Variants in MAP3K4 observed in about 807,000 individuals in gnomAD.
MAP3K4 encodes the protein MAP three kinase 1.
In MAP3K4, 67 loss-of-function variants were observed where a neutral mutation model predicts 185.6. The observed-to-expected ratio is 0.36, with a 90% CI of 0.30 to 0.44. The LOEUF is 0.44. Ranked by LOEUF, MAP3K4 falls within the 20% of genes least tolerant of loss-of-function variation. MAP3K4 has a pLI of 1.00. For synonymous variants in MAP3K4, 702 were observed against 710.4 expected (o/e 0.99, Z 0.19); for missense variants, 1,551 against 1,995.1 (o/e 0.78, Z 4.24).
At chr6:160,999,842 A>G (rs994213950) in intron 1 of MAP3K4, among the ~76,000 whole-genome samples, 2 of 152,250 alleles carry the variant, frequency 1.3e-5, no homozygotes, top group African/African-American at 4.8e-5. Context: ...ATCAAACGAG[A>G]TGAAAGATTT....
Position 161,076,100 on chromosome 6 carries a change from G to A in MAP3K4, c.2097+2488G>A, listed in dbSNP as rs1371501757. 1.3e-5 allele frequency among the ~76,000 whole-genome samples: 2 copies of A among 152,054 alleles called. No homozygotes were observed. The highest frequency in any genetic ancestry group is 2.4e-5 in the African/African-American group (1 of 41,398). ...TCCCATACCCTTCCAAAAATAAAAA[G>A]ACTTAGAATTATTCGCCTTGAAATG... On this transcript the variant is annotated intron_variant, in intron 5 of 26. Transcript: ENST00000392142. This position sits in a 1 kb window ranked among gnomAD's most constrained non-coding sequence, Gnocchi z 4.2.
At chr6:161,018,451 A>G (rs1192776233) in intron 1 of MAP3K4, among the ~76,000 whole-genome samples, 3 of 152,236 alleles carry the variant, frequency 2.0e-5, no homozygotes, top group Non-Finnish European at 2.9e-5. Context: ...CATTCAGTAA[A>G]GACTTGGAAG....
rs530574238 is a variant in MAP3K4, at chr6:161,095,576, T to A, written c.3428-1504T>A. Reference sequence around the variant, plus strand: ...CTCCCTGTACCTTTCTCTGTGCCCATTTCATCACACAGTCATATATAGGGT... The same window carrying A: ...CTCCCTGTACCTTTCTCTGTGCCCAATTCATCACACAGTCATATATAGGGT... On this transcript the variant is annotated intron_variant, in intron 15 of 26. Coordinates refer to ENST00000392142, the MANE Select transcript of MAP3K4 (RefSeq NM_005922.4). 9.8e-5 allele frequency among the ~76,000 whole-genome samples: 15 copies of A among 152,346 alleles called. No individual in the cohort carries two copies. In the South Asian group the frequency reaches 3.1e-3, roughly 32 times the overall value.
At chr6:161,052,917 T>C (rs753755310) in intron 3 of MAP3K4, among the ~76,000 whole-genome samples, 7 of 152,188 alleles carry the variant, frequency 4.6e-5, no homozygotes. Flanking sequence ...TCTTTCTGAC[T>C]CGAAGCCTTT....
intron 3 of MAP3K4, among the ~76,000 whole-genome samples, chr6:161,066,722 G>A (rs1157900115): frequency 6.6e-6 from 1 of 152,082 alleles, no homozygotes; most frequent in Non-Finnish European, 1.5e-5. Flanking sequence ...TCTCTGTCTG[G>A]ACATGTATTG....
intron 1 of MAP3K4, among the ~76,000 whole-genome samples, chr6:161,006,742 T>C (rs1356846109): frequency 1.3e-5 from 2 of 152,124 alleles, no homozygotes; most frequent in African/African-American, 2.4e-5. Context: ...GTATAGGCCT[T>C]TCATAGTTAC....
Position 161,070,527 on chromosome 6 carries a change from A to T in MAP3K4, c.1708-81A>T, listed in dbSNP as rs1218411529. 8.8e-7 allele frequency: 1 copy of T among 1,130,040 alleles called. No individual in the cohort carries two copies. 70.0% of individuals were successfully genotyped at this position (1,130,040 alleles called of 1,614,324 possible). A position where few individuals can be genotyped will look rare whatever the true frequency, so the allele number is the denominator to read the frequency against. On this transcript the variant is annotated intron_variant, in intron 3 of 26. Coordinates refer to ENST00000392142, the MANE Select transcript of MAP3K4 (RefSeq NM_005922.4). This position sits in a 1 kb window ranked among gnomAD's most constrained non-coding sequence, Gnocchi z 4.5. ...TTGTAGATTTGTTAGCACATTGTAGAGAATAAGAGTTTATAACCACAACCG... is the reference window on the plus strand; with the variant it reads ...TTGTAGATTTGTTAGCACATTGTAGTGAATAAGAGTTTATAACCACAACCG...
At position 161,049,122 on chromosome 6, in the gene MAP3K4, T is replaced by A; in HGVS notation, c.850T>A (p.Leu284Ile). Reference protein sequence around the residue: ...GRTINDQDFFLYTARQAIPDI... With the variant: ...GRTINDQDFFIYTARQAIPDI... ...GACAATTAACGACCAGGACTTCTTT[T>A]TATATACAGCCCGTCAAGCCATCCC... The change falls in exon 3 of 27, where the codon TTA becomes ATA. Residue 284 changes from leucine (L) to isoleucine (I), a missense_variant. Leu to Ile is a conservative substitution (Grantham distance 5). This residue lies in a region of MAP3K4 where 69 missense variants were observed against 124.8 expected (regional missense o/e 0.55). Transcript: ENST00000392142. The surrounding 1 kb of genome is among the most constrained non-coding windows in gnomAD (Gnocchi z 8.4). The A allele has an allele frequency of 6.2e-7, 1 of 1,614,156 alleles. No homozygotes were observed. The highest frequency in any genetic ancestry group is 1.3e-5 in the African/African-American group (1 of 75,038).
intron 1 of MAP3K4, among the ~76,000 whole-genome samples, chr6:161,009,811 C>G (rs1763515162): frequency 6.6e-6 from 1 of 151,890 alleles, no homozygotes; most frequent in South Asian, 2.1e-4. Context: ...TTAAAAAGCT[C>G]CTGAGAACAC....
intron 10 of MAP3K4, 29 bp from the exon 11 acceptor site, chr6:161,089,293 T>C: frequency 1.2e-6 from 2 of 1,605,766 alleles, no homozygotes. Context: ...GGGTTGGTTT[T>C]TATGTCCTGT....
intron 3 of MAP3K4, among the ~76,000 whole-genome samples, chr6:161,065,855 G>A (rs1029889094): frequency 4.1e-5 from 6 of 146,022 alleles, no homozygotes; most frequent in Non-Finnish European, 6.0e-5. Flanking sequence ...GGAGAATGGC[G>A]TGAACCCGGG....
chr6:161,098,023 G>C lies in MAP3K4; in HGVS notation c.3525-255G>C, dbSNP rs568090300. Among the ~76,000 whole-genome samples, 22 of 152,168 alleles carry C rather than the reference G, an allele frequency of 1.4e-4. No homozygotes were observed. The highest frequency in any genetic ancestry group is 1.4e-3 in the Admixed American group (22 of 15,302). On this transcript the variant is annotated intron_variant, in intron 16 of 26. Transcript: ENST00000392142. This position sits in a 1 kb window ranked among gnomAD's most constrained non-coding sequence, Gnocchi z 4.4. ...GATCACTTGAGCCCAGGAGGTCAAG[G>C]CTGCAGTGAGCTATGATTGCGCCAC...
At chr6:161,046,572 CTATG>C (rs1384456030) in intron 2 of MAP3K4, among the ~76,000 whole-genome samples, 1 of 151,530 alleles carries the variant, frequency 6.6e-6, no homozygotes, top group African/African-American at 2.4e-5. Context: ...CAAAAAATCT[CTATG>C]GACAGATTGG....
Position 161,114,050 on chromosome 6 carries a change from C to G in MAP3K4, c.4627-1073C>G, listed in dbSNP as rs900668471. The stretch of plus-strand genomic sequence containing the variant: ...GACCTCATGATCCGCCTGCCTCAGC[C>G]TCCCGAAGTGCTGAGTGACATTTTT... On this transcript the variant is annotated intron_variant, in intron 25 of 26. Coordinates refer to ENST00000392142, the MANE Select transcript of MAP3K4 (RefSeq NM_005922.4). This position sits in a 1 kb window ranked among gnomAD's most constrained non-coding sequence, Gnocchi z 4.3. Among the ~76,000 whole-genome samples the G allele has an allele frequency of 3.9e-5, 6 of 152,102 alleles. No individual in the cohort carries two copies. The highest frequency in any genetic ancestry group is 1.4e-4 in the African/African-American group (6 of 41,506).
chr6:161,021,386 C>T (rs1009464338), intron 1 of MAP3K4, among the ~76,000 whole-genome samples: 3 of 152,192 alleles, frequency 2.0e-5, no homozygotes, highest in African/African-American at 7.2e-5. Context: ...GTCATGGGCT[C>T]CTTTCACTCT....
chr6:161,016,124 C>T (rs951957276), intron 1 of MAP3K4, among the ~76,000 whole-genome samples: 1 of 152,054 alleles, frequency 6.6e-6, no homozygotes, highest in Non-Finnish European at 1.5e-5. Context: ...TTGCATTTTT[C>T]CAGTGGTGGT....
Position 161,114,605 on chromosome 6 carries a change from T to C in MAP3K4, c.4627-518T>C, listed in dbSNP as rs1405719097. ...AATGACGAAACAATAGTTTAGAAAT[T>C]AGAATGCCATACACACTTAGTTCCT... On this transcript the variant is annotated intron_variant, in intron 25 of 26. Transcript: ENST00000392142. The surrounding 1 kb of genome is among the most constrained non-coding windows in gnomAD (Gnocchi z 4.3). Among the ~76,000 whole-genome samples the C allele has an allele frequency of 2.6e-5, 4 of 152,236 alleles. No homozygotes were observed. Among genetic ancestry groups the C allele is most frequent in the Non-Finnish European group, 5.9e-5 (4 of 68,034 alleles).
intron 1 of MAP3K4, among the ~76,000 whole-genome samples, chr6:161,020,380 C>T (rs1169552968): frequency 1.3e-5 from 2 of 152,052 alleles, no homozygotes; most frequent in African/African-American, 4.8e-5. Flanking sequence ...GAGTCCTGGG[C>T]CGGGCACAGT....
At chr6:161,094,002 A>G in intron 15 of MAP3K4, 151 bp downstream of exon 15, 6 of 591,830 alleles carry the variant, frequency 1.0e-5, no homozygotes, top group Non-Finnish European at 5.9e-6. Context: ...AGGTGTGTAG[A>G]TAGAGAACTC....
Sources: allele counts gnomAD v4.1 joint callset (sites outside exome capture counted in the v4.1 genomes callset), GRCh38; gene constraint gnomAD v4.1.1; regional missense constraint gnomAD v4.1.1; non-coding constraint Gnocchi (gnomAD v3.1); transcripts MANE v1.5; gene names NCBI Gene and HGNC (gene_info 2026-07-23, HGNC 2026-07-21).